IFT80: variants seen among roughly 807,000 people sequenced by gnomAD.
IFT80 encodes intraflagellar transport 80, also known as intraflagellar transport protein 80 homolog.
IFT80 carries 79 observed loss-of-function variants against 107.9 expected under a neutral mutation model. That is an observed-to-expected ratio of 0.73 (90% CI 0.61 to 0.88). The LOEUF is 0.88. IFT80 is among the 40% of genes least tolerant of loss of function. IFT80 has a pLI of 0.00. For missense variants in IFT80, 797 were observed against 914.2 expected (o/e 0.87, Z 1.65); for synonymous variants, 299 against 300.9 (o/e 0.99, Z 0.07).
intron 8 of IFT80, among the ~76,000 whole-genome samples, chr3:160,333,897 G>A (rs920431881): frequency 2.0e-5 from 3 of 152,066 alleles, no homozygotes; most frequent in Non-Finnish European, 4.4e-5. Flanking sequence ...ATAATTGTAT[G>A]TACTGTACTT....
intron 9 of IFT80, among the ~76,000 whole-genome samples, chr3:160,309,740 T>C (rs1483118479): frequency 6.6e-6 from 1 of 151,604 alleles, no homozygotes; most frequent in African/African-American, 2.4e-5. Context: ...ACCTTTTATC[T>C]AAGAAAGGGA....
chr3:160,395,561 C>G (rs964444751), intron 1 of IFT80, among the ~76,000 whole-genome samples: 6 of 152,174 alleles, frequency 3.9e-5, no homozygotes, highest in African/African-American at 1.4e-4. Context: ...ACAGGTGGCC[C>G]AGGACTTTTA....
chr3:160,279,842 G>C (rs942176456), intron 15 of IFT80, among the ~76,000 whole-genome samples: 6 of 152,178 alleles, frequency 3.9e-5, no homozygotes, highest in African/African-American at 1.4e-4. Context: ...TACTTGGGAA[G>C]ATCACTTAAG....
At chr3:160,337,203 A>T (rs1719554881) in intron 8 of IFT80, among the ~76,000 whole-genome samples, 1 of 152,148 alleles carries the variant, frequency 6.6e-6, no homozygotes, top group African/African-American at 2.4e-5. Flanking sequence ...ATCAGTCCTG[A>T]TTTTACTATG....
intron 11 of IFT80, among the ~76,000 whole-genome samples, chr3:160,303,039 G>A (rs1043528968): frequency 2.0e-5 from 3 of 152,080 alleles, no homozygotes; most frequent in African/African-American, 7.2e-5. Context: ...CAGCCCACCA[G>A]TACCATTCTT....
rs957015801 is a variant in IFT80, at chr3:160,266,508, C to T, written c.2223+1905G>A. On this transcript the variant is annotated intron_variant, in intron 19 of 19. Coordinates refer to ENST00000326448, the MANE Select transcript of IFT80 (RefSeq NM_020800.3). ...GCTCAGGTGATTCTCCTACCTCTCC[C>T]AAGTAGCTGGGACTACAAGCATGAG... Among the ~76,000 whole-genome samples the T allele has an allele frequency of 2.0e-5, 3 of 152,052 alleles. No homozygotes were observed. The East Asian group carries it at 5.8e-4, about 29-fold the overall frequency.
At chr3:160,309,127 C>T (rs1576786155) in intron 9 of IFT80, among the ~76,000 whole-genome samples, 2 of 152,298 alleles carry the variant, frequency 1.3e-5, no homozygotes, top group East Asian at 3.9e-4. Context: ...TTTTTACTAT[C>T]TGCTCTCTAA....
chr3:160,328,873 A>T (rs1011291760), intron 8 of IFT80, among the ~76,000 whole-genome samples: 7 of 152,136 alleles, frequency 4.6e-5, no homozygotes, highest in African/African-American at 1.7e-4. Context: ...ATCCTTAGCA[A>T]ACAAACACAG....
rs371520687 is a variant in IFT80, at chr3:160,279,312, T to C, written c.1717A>G (p.Ile573Val). 6 of 1,613,348 alleles carry C rather than the reference T, an allele frequency of 3.7e-6. No individual in the cohort carries two copies. Among genetic ancestry groups the C allele is most frequent in the Non-Finnish European group, 5.1e-6 (6 of 1,179,398 alleles). Reference protein sequence around the residue: ...IVSFVGNQVTIRRADGSLVHI... With the variant: ...IVSFVGNQVTVRRADGSLVHI... ...ACCAGGGAGCCATCAGCTCTTCTAA[T>C]AGTTACTTGATTTCCAACAAAACTC... Residue 573 changes from isoleucine (I) to valine (V), a missense_variant, in exon 16 of 20, where the codon ATT (isoleucine) becomes GTT (valine). Physicochemically the swap from Ile to Val is conservative, Grantham distance 29. Coordinates refer to ENST00000326448, the MANE Select transcript of IFT80 (RefSeq NM_020800.3).
chr3:160,297,045 G>A (rs775244713), intron 12 of IFT80, among the ~76,000 whole-genome samples: 1 of 152,054 alleles, frequency 6.6e-6, no homozygotes, highest in East Asian at 1.9e-4. Flanking sequence ...TTTAAATAAT[G>A]ATAATTCATA....
intron 13 of IFT80, among the ~76,000 whole-genome samples, chr3:160,284,651 C>T (rs1714948910): frequency 6.6e-6 from 1 of 152,056 alleles, no homozygotes; most frequent in Non-Finnish European, 1.5e-5. Flanking sequence ...TTCATCTTGG[C>T]AATACTGTAA....
intron 6 of IFT80, among the ~76,000 whole-genome samples, chr3:160,359,749 G>A (rs552436309): frequency 5.9e-5 from 9 of 152,310 alleles, no homozygotes; most frequent in Middle Eastern, 6.8e-3. Flanking sequence ...CAACAGACCT[G>A]CAGTTGAGGG....
intron 1 of IFT80, among the ~76,000 whole-genome samples, chr3:160,386,692 G>C (rs555906516): frequency 6.6e-6 from 1 of 152,222 alleles, no homozygotes; most frequent in South Asian, 2.1e-4. Flanking sequence ...ACCATCCCCT[G>C]CCTCAATTAT....
rs1363421128 is a variant in IFT80, at chr3:160,366,146, G to A, written c.446C>T (p.Pro149Leu). The A allele has an allele frequency of 1.9e-6, 3 of 1,607,094 alleles. No individual in the cohort carries two copies. The East Asian group carries it at 6.7e-5, about 36-fold the overall frequency. Residue 149 changes from proline to leucine, a missense_variant, in exon 6 of 20, where the codon CCA becomes CTA. By Grantham distance (98) the Pro-to-Leu change is moderately conservative. Transcript: ENST00000326448. ...AGGGCCCCACGCTACTGAATACACTGGTGTTCCTGTAAGATGAAAAAAGAA... is the reference window on the plus strand; with the variant it reads ...AGGGCCCCACGCTACTGAATACACTAGTGTTCCTGTAAGATGAAAAAAGAA... ...LRSTLAQQGT[P>L]VYSVAWGPDS...
At position 160,395,966 on chromosome 3, in the gene IFT80, G is replaced by A. The variant is rs76705222; in HGVS notation, c.-47+3180C>T. Among the ~76,000 whole-genome samples the A allele has an allele frequency of 3.4e-4, 51 of 152,026 alleles. No homozygotes were observed. In the East Asian group the frequency reaches 3.7e-3, roughly 11 times the overall value. On this transcript the variant is annotated intron_variant, in intron 1 of 19. Coordinates refer to ENST00000326448, the MANE Select transcript of IFT80 (RefSeq NM_020800.3). ...ATTTCCTTAATATCCTTGGTCTGGT[G>A]CTAGCTTCTCTCCACTTACAATCTT...
chr3:160,336,901 A>G (rs1719519352), intron 8 of IFT80, among the ~76,000 whole-genome samples: 1 of 152,098 alleles, frequency 6.6e-6, no homozygotes, highest in Non-Finnish European at 1.5e-5. Flanking sequence ...CATGCCACAC[A>G]TTTTTTAGGG....
At chr3:160,319,973 A>G in intron 8 of IFT80, 34 bp from the exon 9 acceptor site, 1 of 1,579,256 alleles carries the variant, frequency 6.3e-7, no homozygotes, top group South Asian at 1.1e-5. Flanking sequence ...AGATGGACTT[A>G]CTGAAAAAAA....
chr3:160,294,211 G>C (rs1453497994), intron 12 of IFT80, among the ~76,000 whole-genome samples: 2 of 151,926 alleles, frequency 1.3e-5, no homozygotes, highest in African/African-American at 4.8e-5. Context: ...GCAGGCCTTT[G>C]TCCTTAACTT....
At chr3:160,369,378 T>C (rs1377454082) in intron 5 of IFT80, among the ~76,000 whole-genome samples, 1 of 151,920 alleles carries the variant, frequency 6.6e-6, no homozygotes, top group East Asian at 1.9e-4. Flanking sequence ...AAATTCAAAA[T>C]GGATATCACA....
Sources: allele counts gnomAD v4.1 joint callset (sites outside exome capture counted in the v4.1 genomes callset), GRCh38; gene constraint gnomAD v4.1.1; transcripts MANE v1.5; gene names NCBI Gene and HGNC (gene_info 2026-07-23, HGNC 2026-07-21).